The following NR6A1 variants were observed in gnomAD, a reference collection of about 807,000 sequenced individuals.
NR6A1 encodes nuclear receptor subfamily 6 group A member 1.
Under a neutral mutation model 59.1 loss-of-function variants are expected in NR6A1, and 7 were observed. That is an observed-to-expected ratio of 0.12 (90% CI 0.07 to 0.22). The LOEUF (loss-of-function observed/expected upper bound fraction) is 0.22. Among genes scored for constraint, NR6A1 ranks in the 10% least tolerant of loss-of-function variants. The pLI is 1.00. For synonymous variants in NR6A1, 243 were observed against 236.1 expected (o/e 1.03, Z -0.27); for missense variants, 468 against 611.6 (o/e 0.77, Z 2.48).
chr9:124,551,105 T>C (rs1281149777), intron 3 of NR6A1, among the ~76,000 whole-genome samples: 1 of 152,094 alleles, frequency 6.6e-6, no homozygotes, highest in Non-Finnish European at 1.5e-5. Flanking sequence ...AGGATCATTT[T>C]ATATTTCCCC....
chr9:124,706,184 C>A (rs1277190746), intron 2 of NR6A1, among the ~76,000 whole-genome samples: 2 of 152,212 alleles, frequency 1.3e-5, no homozygotes, highest in Non-Finnish European at 2.9e-5. Context: ...CCAGGAAATA[C>A]AGAAACTTTA....
chr9:124,605,501 G>T (rs532196619), intron 2 of NR6A1, among the ~76,000 whole-genome samples: 7 of 152,272 alleles, frequency 4.6e-5, no homozygotes, highest in African/African-American at 1.7e-4. Flanking sequence ...GACAGAGCAA[G>T]AGTGAGAGTC....
rs898188163 is a variant in NR6A1 at position 124,600,561 on chromosome 9, G to A, written c.143-45991C>T. Among the ~76,000 whole-genome samples, 22 of 152,276 alleles carry A rather than the reference G, an allele frequency of 1.4e-4. 1 individual carries two copies. The highest frequency in any genetic ancestry group is 2.4e-4 in the Non-Finnish European group (16 of 68,020). ...TCTCCTATGAGCTAGGCACTATGCT[G>A]GCTATGATGACATAAAATAATATTA... On this transcript the variant is annotated intron_variant, in intron 2 of 9. Coordinates refer to ENST00000487099, the MANE Select transcript of NR6A1 (RefSeq NM_033334.4).
At chr9:124,727,867 TAG>T (rs1202643305) in intron 2 of NR6A1, among the ~76,000 whole-genome samples, 2 of 151,916 alleles carry the variant, frequency 1.3e-5, no homozygotes, top group African/African-American at 4.8e-5. Flanking sequence ...TGCATTTTAG[TAG>T]AGACGGGGTT....
At chr9:124,716,632 T>C (rs894618602) in intron 2 of NR6A1, among the ~76,000 whole-genome samples, 17 of 152,178 alleles carry the variant, frequency 1.1e-4, no homozygotes, top group African/African-American at 3.9e-4. Flanking sequence ...ATTTCTTTTT[T>C]ATTTATTTAT....
At chr9:124,599,600 C>G in intron 2 of NR6A1, 4 of 1,166,926 alleles carry the variant, frequency 3.4e-6, no homozygotes, top group Non-Finnish European at 4.4e-6. Flanking sequence ...GCGGCGGCGG[C>G]CGCTCGGCTG....
chr9:124,697,476 G>A (rs1838803589), intron 2 of NR6A1, among the ~76,000 whole-genome samples: 1 of 152,048 alleles, frequency 6.6e-6, no homozygotes, highest in South Asian at 2.1e-4. Flanking sequence ...ACTTCCTTGA[G>A]GAAGTGATGT....
chr9:124,539,243 A>C (rs897961131), intron 5 of NR6A1, among the ~76,000 whole-genome samples: 5 of 152,112 alleles, frequency 3.3e-5, no homozygotes, highest in African/African-American at 1.2e-4. Flanking sequence ...CTTTTGCCTA[A>C]ATGTATCTCC....
chr9:124,630,211 T>A (rs1043199350), intron 2 of NR6A1, among the ~76,000 whole-genome samples: 1 of 38,754 alleles, frequency 2.6e-5, no homozygotes, highest in South Asian at 9.4e-4. Context: ...TCCAAATCAG[T>A]TTTTTTTTTT....
intron 1 of NR6A1, among the ~76,000 whole-genome samples, chr9:124,748,947 T>C (rs1430780440): frequency 6.6e-6 from 1 of 150,574 alleles, no homozygotes; most frequent in Non-Finnish European, 1.5e-5. Context: ...GTACCTAGCA[T>C]ATAGCAAATG....
At chr9:124,533,518 T>G (rs997665243) in intron 7 of NR6A1, among the ~76,000 whole-genome samples, 2 of 152,148 alleles carry the variant, frequency 1.3e-5, no homozygotes, top group Admixed American at 1.3e-4. Flanking sequence ...TTGCAGGTCT[T>G]GGAGCACTGT....
intron 2 of NR6A1, among the ~76,000 whole-genome samples, chr9:124,600,697 T>C (rs1439067392): frequency 6.6e-6 from 1 of 152,042 alleles, no homozygotes; most frequent in African/African-American, 2.4e-5. Flanking sequence ...TAAATGACAG[T>C]ATGATGTTAT....
At chr9:124,523,118 T>C (rs140583271) in intron 9 of NR6A1, among the ~76,000 whole-genome samples, 11 of 152,310 alleles carry the variant, frequency 7.2e-5, no homozygotes, top group African/African-American at 2.4e-4. Context: ...CCTCATTTTA[T>C]AGATAAGGAA....
chr9:124,673,606 C>G (rs1837860969), intron 2 of NR6A1, among the ~76,000 whole-genome samples: 1 of 151,896 alleles, frequency 6.6e-6, no homozygotes, highest in Non-Finnish European at 1.5e-5. Context: ...TTTAGGAATG[C>G]CTGTGAAGAT....
At chr9:124,718,983 C>T (rs1036308976) in intron 2 of NR6A1, among the ~76,000 whole-genome samples, 5 of 151,494 alleles carry the variant, frequency 3.3e-5, no homozygotes, top group Non-Finnish European at 5.9e-5. Flanking sequence ...CCTGGTTATC[C>T]AATTTTTTTT....
intron 2 of NR6A1, among the ~76,000 whole-genome samples, chr9:124,703,312 A>C (rs1839022724): frequency 6.7e-6 from 1 of 149,230 alleles, no homozygotes; most frequent in South Asian, 2.1e-4. Context: ...TCCTGGGCTC[A>C]GGTGATCATC....
At chr9:124,692,496 G>A (rs745991765) in intron 2 of NR6A1, 18 of 532,092 alleles carry the variant, frequency 3.4e-5, no homozygotes, top group Admixed American at 1.2e-4. Context: ...CAACGCTGTC[G>A]GTGAGTTTGG....
At chr9:124,537,760 A>G (rs114082150) in intron 6 of NR6A1, among the ~76,000 whole-genome samples, 1 of 152,200 alleles carries the variant, frequency 6.6e-6, no homozygotes, top group African/African-American at 2.4e-5. Context: ...CCGATATATA[A>G]CTATTCCCAG....
chr9:124,518,645 G>T lies in NR6A1; in HGVS notation c.*4060C>A, dbSNP rs1329515727. 3 of 152,064 alleles carry T rather than the reference G, an allele frequency of 2.0e-5. No individual in the cohort carries two copies. The highest frequency in any genetic ancestry group is 7.2e-5 in the African/African-American group (3 of 41,394). 9.4% of individuals were successfully genotyped at this position (152,064 alleles called of 1,614,324 possible). On this transcript the variant is annotated 3_prime_UTR_variant, in exon 10 of 10. Transcript: ENST00000487099. ...TTCAAGCCAAGGAGAAAGGGAGGAT[G>T]ATCAGTTGCAAAGGCAGAGGGGAGT... is the stretch of plus-strand genomic sequence containing the variant.
Sources: allele counts gnomAD v4.1 joint callset (sites outside exome capture counted in the v4.1 genomes callset), GRCh38; gene constraint gnomAD v4.1.1; transcripts MANE v1.5; gene names NCBI Gene and HGNC (gene_info 2026-07-23, HGNC 2026-07-21).